The following JPH3 variants were observed in gnomAD, a reference collection of about 807,000 sequenced individuals.
JPH3 encodes the protein junctophilin 3.
In JPH3, 11 loss-of-function variants were observed where a neutral mutation model predicts 59.6. That is an observed-to-expected ratio of 0.18 (90% CI 0.12 to 0.31). The LOEUF (loss-of-function observed/expected upper bound fraction) is 0.31, where lower values mean the gene tolerates loss of function less well. JPH3 is among the 10% of genes least tolerant of loss of function. The pLI is 1.00. For missense variants in JPH3, 1,202 were observed against 1,105.7 expected (o/e 1.09, Z -1.24); for synonymous variants, 673 against 483.6 (o/e 1.39, Z -5.14).
At chr16:87,609,875 G>T (rs542068505) in intron 1 of JPH3, among the ~76,000 whole-genome samples, 1 of 152,102 alleles carries the variant, frequency 6.6e-6, no homozygotes, top group East Asian at 1.9e-4. Flanking sequence ...TGATTCAGGC[G>T]CATTCTATTT....
intron 1 of JPH3, among the ~76,000 whole-genome samples, chr16:87,605,747 A>AG (rs1681571465): frequency 6.6e-6 from 1 of 152,146 alleles, no homozygotes; most frequent in Admixed American, 6.5e-5. Context: ...TTTGTGATTC[A>AG]GGAGTCCCAG....
At chr16:87,686,184 G>A (rs1177405338) in intron 3 of JPH3, among the ~76,000 whole-genome samples, 1 of 152,188 alleles carries the variant, frequency 6.6e-6, no homozygotes, top group African/African-American at 2.4e-5. Context: ...CCACCCCCGC[G>A]TGGTGCTTTA....
At chr16:87,670,379 C>G (rs544470582) in intron 2 of JPH3, among the ~76,000 whole-genome samples, 3 of 152,334 alleles carry the variant, frequency 2.0e-5, no homozygotes, top group Non-Finnish European at 4.4e-5. Context: ...CCCGGCCAGG[C>G]CTGACTGACG....
rs1293777937 is a variant in JPH3 at position 87,644,239 on chromosome 16, T to G, written c.383-19T>G. The stretch of plus-strand genomic sequence containing the variant: ...TCCTCTGTCGCTGGGCACTCACCCC[T>G]CTCTCATTTTCTCCCCAGGGACCTA... On this transcript the variant is annotated intron_variant, in intron 1 of 4. Coordinates refer to ENST00000284262, the MANE Select transcript of JPH3 (RefSeq NM_020655.4). The G allele has an allele frequency of 1.9e-6, 3 of 1,585,314 alleles. No homozygotes were observed. The Admixed American group carries it at 5.2e-5, about 27-fold the overall frequency.
At chr16:87,648,224 T>TG (rs1441201776) in intron 2 of JPH3, among the ~76,000 whole-genome samples, 1 of 150,900 alleles carries the variant, frequency 6.6e-6, no homozygotes, top group Non-Finnish European at 1.5e-5. Context: ...GCTTTCTCAA[T>TG]GGACTTAGAA....
chr16:87,602,955 G>A lies in JPH3; in HGVS notation c.-192G>A. 9.1e-6 allele frequency: 5 copies of A among 549,612 alleles called. No individual in the cohort carries two copies. Among genetic ancestry groups the A allele is most frequent in the East Asian group, 3.4e-5 (1 of 29,072 alleles). The allele number at this position is 549,612 out of a possible 1,614,324, so 34.0% of individuals were successfully genotyped here. On this transcript the variant is annotated 5_prime_UTR_variant, in exon 1 of 5. Coordinates refer to ENST00000284262, the MANE Select transcript of JPH3 (RefSeq NM_020655.4). ...CGGCGCAGCTCGAAAAGGAATAATCGCCCCCGATTGACTGAAATTCCTCCG... is the reference window on the plus strand; with the variant it reads ...CGGCGCAGCTCGAAAAGGAATAATCACCCCCGATTGACTGAAATTCCTCCG...
intron 1 of JPH3, among the ~76,000 whole-genome samples, chr16:87,622,066 AG>A (rs1489681046): frequency 3.9e-5 from 6 of 151,938 alleles, no homozygotes; most frequent in African/African-American, 1.5e-4. Flanking sequence ...ATCCAACAGA[AG>A]AACGACGCAG....
At chr16:87,690,984 A>T (rs1211651681) in intron 4 of JPH3, among the ~76,000 whole-genome samples, 1 of 151,356 alleles carries the variant, frequency 6.6e-6, no homozygotes, top group Non-Finnish European at 1.5e-5. Flanking sequence ...GGTTGGGGGG[A>T]GCTGCCAGTC....
chr16:87,636,918 A>G (rs920872313), intron 1 of JPH3, among the ~76,000 whole-genome samples: 27 of 152,260 alleles, frequency 1.8e-4, no homozygotes, highest in Admixed American at 5.2e-4. Context: ...TAGTACGCGC[A>G]GCGCAGTGGG....
intron 2 of JPH3, 27 bp downstream of exon 2, chr16:87,645,062 C>T (rs377495898): frequency 3.2e-6 from 5 of 1,578,290 alleles, no homozygotes; most frequent in African/African-American, 2.7e-5. Flanking sequence ...GCGGGGGGCC[C>T]TTCTTGGTGC....
At chr16:87,650,808 G>A (rs2032303405) in intron 2 of JPH3, among the ~76,000 whole-genome samples, 1 of 152,220 alleles carries the variant, frequency 6.6e-6, no homozygotes, top group Non-Finnish European at 1.5e-5. Flanking sequence ...AGCAGAGGCT[G>A]GTTCATCAGG....
At chr16:87,614,712 G>A (rs1431138642) in intron 1 of JPH3, among the ~76,000 whole-genome samples, 1 of 145,434 alleles carries the variant, frequency 6.9e-6, no homozygotes, top group Non-Finnish European at 1.5e-5. Context: ...GATAAACTCT[G>A]GTCCCTGCAC....
intron 1 of JPH3, among the ~76,000 whole-genome samples, chr16:87,639,876 C>A (rs1455104232): frequency 6.6e-6 from 1 of 152,246 alleles, no homozygotes; most frequent in Non-Finnish European, 1.5e-5. Context: ...TATTCCACTG[C>A]ATGGGGGGAC....
chr16:87,664,130 T>C (rs140775510), intron 2 of JPH3, among the ~76,000 whole-genome samples: 4 of 150,782 alleles, frequency 2.7e-5, no homozygotes, highest in African/African-American at 9.8e-5. Flanking sequence ...AGCAGATTGA[T>C]AGCATCCTGG....
chr16:87,669,828 ACT>A lies in JPH3; in HGVS notation c.1161-14310_1161-14309del, dbSNP rs1219398016. On this transcript the variant is annotated intron_variant, in intron 2 of 4. Coordinates refer to ENST00000284262, the MANE Select transcript of JPH3 (RefSeq NM_020655.4). ...GCCTGCAGGCAGCCAGTGTGGATGG[ACT>A]CTCAGGCCCTCCGTTGTGTGTTAGG... Among the ~76,000 whole-genome samples the A allele has an allele frequency of 4.0e-5, 6 of 151,748 alleles. No homozygotes were observed. The East Asian group carries it at 9.7e-4, about 25-fold the overall frequency.
intron 1 of JPH3, among the ~76,000 whole-genome samples, chr16:87,634,485 G>A (rs566605132): frequency 6.6e-6 from 1 of 152,224 alleles, no homozygotes; most frequent in Non-Finnish European, 1.5e-5. Context: ...AGTGGTGCCT[G>A]TTTCTTCCTT....
rs60196379 is a variant in JPH3, at chr16:87,663,115, C to CTTTTTTTTTT, written c.1160+18082_1160+18091dup. Among the ~76,000 whole-genome samples the CTTTTTTTTTT allele has an allele frequency of 2.0e-4, 28 of 143,476 alleles. 1 individual carries two copies. Among genetic ancestry groups the CTTTTTTTTTT allele is most frequent in the African/African-American group, 7.1e-4 (27 of 37,856 alleles). 94.1% of individuals were successfully genotyped at this position (143,476 alleles called of 152,430 possible). On this transcript the variant is annotated intron_variant, in intron 2 of 4. Coordinates refer to ENST00000284262, the MANE Select transcript of JPH3 (RefSeq NM_020655.4). The stretch of plus-strand genomic sequence containing the variant: ...GTATTGTTTCAAGGTTAATTTCTTT[C>CTTTTTTTTTT]TTTTTTTTTTTGAGATGGAGTCGCG...
intron 2 of JPH3, among the ~76,000 whole-genome samples, chr16:87,670,899 A>G (rs1405938601): frequency 6.6e-6 from 1 of 152,120 alleles, no homozygotes; most frequent in African/African-American, 2.4e-5. Context: ...GCTTCTCGAG[A>G]GAAGTGACAT....
intron 2 of JPH3, among the ~76,000 whole-genome samples, chr16:87,674,633 C>G (rs895866883): frequency 6.6e-6 from 1 of 152,218 alleles, no homozygotes; most frequent in African/African-American, 2.4e-5. Context: ...GAGAACCACT[C>G]AGAATGAAGA....
Sources: gnomAD v4.1 joint callset for allele counts (sites outside exome capture counted in the v4.1 genomes callset) on GRCh38, gnomAD v4.1.1 for gene constraint, MANE v1.5 for transcripts, NCBI Gene and HGNC (gene_info 2026-07-23, HGNC 2026-07-21) for gene names.